The following TRIP10 variants were observed in gnomAD, a reference collection of about 807,000 sequenced individuals.
TRIP10 encodes cdc42-interacting protein 4.
TRIP10 carries 54 observed loss-of-function variants against 80.9 expected under a neutral mutation model. The observed-to-expected ratio is 0.67, with a 90% CI of 0.54 to 0.84. The LOEUF is 0.84. Ranked by LOEUF, TRIP10 falls within the 40% of genes least tolerant of loss-of-function variation. The pLI, the probability that TRIP10 is intolerant of heterozygous loss-of-function variation, is 0.00. For synonymous variants in TRIP10, 321 were observed against 307.2 expected, an observed-to-expected ratio of 1.04 and a Z score of -0.47; for missense variants, 773 against 815.3, an observed-to-expected ratio of 0.95 and a Z score of 0.63.
rs1968848229 is a variant in TRIP10, at chr19:6,739,713, G to GGCGGGCT, written c.-44_-43insCTGCGGG. The GGCGGGCT allele has an allele frequency of 3.1e-6, 4 of 1,289,752 alleles. No homozygotes were observed. In the Admixed American group the frequency reaches 1.6e-4, roughly 51 times the overall value. The allele number at this position is 1,289,752 out of a possible 1,614,324, so 79.9% of individuals were successfully genotyped here. ...CCGGGGAGGGCGGCGGGCGGCGGGC[G>GGCGGGCT]GCGGGGACCGGGTGCGGTGGTGGCT... On this transcript the variant is annotated 5_prime_UTR_variant, in exon 1 of 15. Coordinates refer to ENST00000313244, the MANE Select transcript of TRIP10 (RefSeq NM_001288962.2).
chr19:6,740,486 C>T (rs1968881082), intron 1 of TRIP10, among the ~76,000 whole-genome samples: 2 of 152,210 alleles, frequency 1.3e-5, no homozygotes, highest in African/African-American at 4.8e-5. Context: ...ACTGCCACCC[C>T]CTCCTCCAAT....
chr19:6,740,981 CCCT>C (rs1490873784), intron 1 of TRIP10, 26 bp from the exon 2 acceptor site: 1 of 1,599,044 alleles, frequency 6.3e-7, no homozygotes, highest in Non-Finnish European at 8.6e-7. Context: ...GGCCCCTCTC[CCCT>C]CCTCCCCCAC....
chr19:6,739,848 C>A, intron 1 of TRIP10, 63 bp downstream of exon 1: 1 of 1,391,694 alleles, frequency 7.2e-7, no homozygotes, highest in Non-Finnish European at 9.4e-7. Flanking sequence ...CCCCTTTTGT[C>A]CCCAATGTAT....
intron 11 of TRIP10, among the ~76,000 whole-genome samples, chr19:6,749,690 AT>A (rs1969226007): frequency 6.6e-6 from 1 of 152,060 alleles, no homozygotes; most frequent in Non-Finnish European, 1.5e-5. Flanking sequence ...TCTACTAAAA[AT>A]TTTTGAAAAA....
rs144976733 is a variant in TRIP10 at position 6,743,500 on chromosome 19, C to G, written c.415C>G (p.Arg139Gly). 75 of 1,613,512 alleles carry G rather than the reference C, an allele frequency of 4.6e-5. No homozygotes were observed. The Middle Eastern group carries it at 5.0e-4, about 11-fold the overall frequency. ...NGFKQLENSK[R>G]KFERDCREAE... ...GGTTCTGTCCCCTACACAGAGTAAG[C>G]GTAAATTTGAGCGGGACTGCCGGGA... The change falls in exon 6 of 15, where the codon CGT becomes GGT. Residue 139 changes from arginine to glycine, a missense_variant. Coordinates refer to ENST00000313244, the MANE Select transcript of TRIP10 (RefSeq NM_001288962.2).
chr19:6,743,251 G>A lies in TRIP10; in HGVS notation c.403G>A (p.Glu135Lys). The A allele has an allele frequency of 1.2e-6, 2 of 1,613,640 alleles. No individual in the cohort carries two copies. Among genetic ancestry groups the A allele is most frequent in the East Asian group, 2.2e-5 (1 of 44,882 alleles). Residue 135 changes from glutamate to lysine, a missense_variant, in exon 5 of 15, where the codon GAG becomes AAG. Physicochemically the swap from Glu to Lys is moderately conservative, Grantham distance 56. Transcript: ENST00000313244. ...GCTGGAAAATGGCTTTAAACAGCTG[G>A]AGAATGTGAGTTTGCAGAGGTAGCA... ...QQLENGFKQLENSKRKFERDC... is the reference protein window; with the variant it reads ...QQLENGFKQLKNSKRKFERDC...
chr19:6,746,194 G>T lies in TRIP10; in HGVS notation c.1150G>T (p.Gly384Trp). The T allele has an allele frequency of 2.0e-6, 3 of 1,529,676 alleles. No homozygotes were observed. Among genetic ancestry groups the T allele is most frequent in the Non-Finnish European group, 2.6e-6 (3 of 1,134,524 alleles). 94.8% of individuals were successfully genotyped at this position (1,529,676 alleles called of 1,614,324 possible). Reference protein sequence around the residue: ...ASFRSLRGSRGTVVTEDFSHL... With the variant: ...ASFRSLRGSRWTVVTEDFSHL... ...CTTCCGCAGCCTTCGAGGCAGCCGT[G>T]GGGTAAGTGAGGCCTCGGGGCAGGA... The change falls in exon 10 of 15, where the codon GGG (glycine) becomes TGG (tryptophan). Residue 384 changes from glycine (G) to tryptophan (W), a missense_variant and splice_region_variant. Physicochemically the swap from Gly to Trp is radical, Grantham distance 184. Coordinates refer to ENST00000313244, the MANE Select transcript of TRIP10 (RefSeq NM_001288962.2). This position sits in a 1 kb window ranked among gnomAD's most constrained non-coding sequence, Gnocchi z 6.2.
Position 6,744,982 on chromosome 19 carries a change from CAAG to C in TRIP10, c.978_980del (p.Lys326del). On this transcript the variant is annotated inframe_deletion, in exon 9 of 15. Coordinates refer to ENST00000313244, the MANE Select transcript of TRIP10 (RefSeq NM_001288962.2). This position sits in a 1 kb window ranked among gnomAD's most constrained non-coding sequence, Gnocchi z 4.9. ...GCCGCACCAAGCGCTGGCCTTTTGGCAAGAAGAACAAGGTGGGGGCCGGGACCC... is the reference window on the plus strand; with the variant it reads ...GCCGCACCAAGCGCTGGCCTTTTGGCAAGAACAAGGTGGGGGCCGGGACCC... The C allele has an allele frequency of 1.2e-6, 2 of 1,613,142 alleles. No homozygotes were observed. Among genetic ancestry groups the C allele is most frequent in the Non-Finnish European group, 1.7e-6 (2 of 1,179,652 alleles).
intron 12 of TRIP10, 56 bp from the exon 13 acceptor site, chr19:6,750,236 A>G (rs1439330741): frequency 6.2e-7 from 1 of 1,603,344 alleles, no homozygotes; most frequent in African/African-American, 1.3e-5. Context: ...CTGGGTCCAA[A>G]GTGGGCTGAC....
chr19:6,739,939 T>A (rs1421604557), intron 1 of TRIP10, among the ~76,000 whole-genome samples, 154 bp downstream of exon 1: 1 of 152,046 alleles, frequency 6.6e-6, no homozygotes, highest in Non-Finnish European at 1.5e-5. Flanking sequence ...TCGAAGTTTA[T>A]CTGGGAGTCT....
chr19:6,744,862 C>T lies in TRIP10; in HGVS notation c.852C>T (p.Phe284=), dbSNP rs539873786. The T allele has an allele frequency of 3.6e-5, 58 of 1,614,244 alleles. No homozygotes were observed. Among genetic ancestry groups the T allele is most frequent in the Admixed American group, 2.8e-4 (17 of 60,024 alleles). The stretch of plus-strand genomic sequence containing the variant: ...TTGCCCGCCCGGGCGACGTGGAATT[C>T]GAGGACTTCAGCCAGCCCATGAACC... The part of the protein sequence containing the change: ...SGFARPGDVE[F]EDFSQPMNRA... Residue 284 remains phenylalanine, a synonymous_variant, in exon 9 of 15, where the codon TTC becomes TTT. Coordinates refer to ENST00000313244, the MANE Select transcript of TRIP10 (RefSeq NM_001288962.2). The surrounding 1 kb of genome is among the most constrained non-coding windows in gnomAD (Gnocchi z 4.9).
Position 6,751,145 on chromosome 19 carries a change from G to T in TRIP10, c.1740G>T (p.Arg580=). 1 of 1,613,802 alleles carries T rather than the reference G, an allele frequency of 6.2e-7. No homozygotes were observed. Residue 580 remains arginine (R), a synonymous_variant, in exon 15 of 15, where the codon CGG becomes CGT. Coordinates refer to ENST00000313244, the MANE Select transcript of TRIP10 (RefSeq NM_001288962.2). ...AAGACAAAGGGGACGGCTGGACCCG[G>T]GTCAGGCGGAAAGAGGGAGGCGAGG... is the stretch of plus-strand genomic sequence containing the variant. ...MEEDKGDGWT[R]VRRKEGGEGY...
chr19:6,739,835 AC>A lies in TRIP10; in HGVS notation c.24+56del, dbSNP rs752546966. The A allele has an allele frequency of 8.5e-6, 12 of 1,404,966 alleles. No homozygotes were observed. The Admixed American group carries it at 1.1e-4, about 13-fold the overall frequency. The allele number at this position is 1,404,966 out of a possible 1,614,324, so 87.0% of individuals were successfully genotyped here. On this transcript the variant is annotated intron_variant, in intron 1 of 14. Transcript: ENST00000313244. ...AGTTCCCCTTTGCTGGGGTCCAGGC[AC>A]CCCCCTTTTGTCCCCAATGTATCTT...
rs753248303 is a variant in TRIP10, at chr19:6,749,895, A to T, written c.1263-39A>T. Reference sequence around the variant, plus strand: ...AACAGCAACAAAAAAACTCACACGGAAGTATGTTTTCCTGTCTATCCTGTC... The same window carrying T: ...AACAGCAACAAAAAAACTCACACGGTAGTATGTTTTCCTGTCTATCCTGTC... On this transcript the variant is annotated intron_variant, in intron 11 of 14. Transcript: ENST00000313244. The T allele has an allele frequency of 6.9e-6, 11 of 1,592,262 alleles. No homozygotes were observed. In the South Asian group the frequency reaches 1.2e-4, roughly 18 times the overall value.
chr19:6,741,386 C>CGG, intron 3 of TRIP10, 105 bp downstream of exon 3: 2 of 1,318,948 alleles, frequency 1.5e-6, no homozygotes, highest in Non-Finnish European at 2.1e-6. Flanking sequence ...CTCTCACTTC[C>CGG]CCTTCTAGAG....
rs906690475 is a variant in TRIP10, at chr19:6,744,608, C to T, written c.697C>T (p.Leu233Phe). The T allele has an allele frequency of 1.2e-6, 2 of 1,613,948 alleles. No individual in the cohort carries two copies. The highest frequency in any genetic ancestry group is 1.3e-5 in the African/African-American group (1 of 74,942). Residue 233 changes from leucine (L) to phenylalanine (F), a missense_variant, in exon 8 of 15, where the codon CTC becomes TTC. By Grantham distance (22) the Leu-to-Phe change is conservative. Coordinates refer to ENST00000313244, the MANE Select transcript of TRIP10 (RefSeq NM_001288962.2). The surrounding 1 kb of genome is among the most constrained non-coding windows in gnomAD (Gnocchi z 4.9). ...CACCCGCCTGGGTGCCGGGTATGGG[C>T]TCCTGTCGGAGGCCGAGCTGGAGGT... Reference protein sequence around the residue: ...RATRLGAGYGLLSEAELEVVP... With the variant: ...RATRLGAGYGFLSEAELEVVP...
chr19:6,740,951 G>A, intron 1 of TRIP10, 59 bp from the exon 2 acceptor site: 1 of 1,486,366 alleles, frequency 6.7e-7, no homozygotes, highest in Non-Finnish European at 9.3e-7. Flanking sequence ...CGGGCTGTGG[G>A]GTCCCAAAAT....
chr19:6,751,019 T>C (rs775255321), intron 14 of TRIP10, 44 bp from the exon 15 acceptor site: 2 of 975,072 alleles, frequency 2.1e-6, no homozygotes, highest in African/African-American at 5.6e-5. Flanking sequence ...AAATAATAAA[T>C]TTTGCCTAAA....
chr19:6,747,456 AG>A (rs1969169798), intron 11 of TRIP10, among the ~76,000 whole-genome samples: 1 of 152,234 alleles, frequency 6.6e-6, no homozygotes, highest in Non-Finnish European at 1.5e-5. Context: ...GAATTCAATA[AG>A]ATAAAATTAA....
Sources: gnomAD v4.1 joint callset for allele counts (sites outside exome capture counted in the v4.1 genomes callset) on GRCh38, gnomAD v4.1.1 for gene constraint, Gnocchi (gnomAD v3.1) non-coding constraint, MANE v1.5 for transcripts, NCBI Gene and HGNC (gene_info 2026-07-23, HGNC 2026-07-21) for gene names.